Variants in TRIO observed in about 807,000 individuals in gnomAD.
TRIO encodes trio Rho guanine nucleotide exchange factor.
A neutral mutation model predicts 351.9 loss-of-function variants in TRIO; 58 were observed. The observed-to-expected ratio is 0.16, with a 90% confidence interval of 0.13 to 0.21. The LOEUF is 0.21. Ranked by LOEUF, TRIO falls within the 10% of genes least tolerant of loss-of-function variation. The pLI is 1.00. For synonymous variants in TRIO, 1,758 were observed against 1,595.7 expected, an observed-to-expected ratio of 1.10 and a Z score of -2.42; for missense variants, 3,201 against 4,027.8, an observed-to-expected ratio of 0.79 and a Z score of 5.56.
chr5:14,474,819 C>G (rs752496066), intron 40 of TRIO, among the ~76,000 whole-genome samples: 3 of 152,062 alleles, frequency 2.0e-5, no homozygotes, highest in Non-Finnish European at 4.4e-5. Context: ...CCTACAGGCA[C>G]GCAGCACCAT....
At chr5:14,215,334 G>T (rs766930476) in intron 1 of TRIO, among the ~76,000 whole-genome samples, 5 of 152,156 alleles carry the variant, frequency 3.3e-5, no homozygotes, top group African/African-American at 7.2e-5. Flanking sequence ...TGTTATTCGT[G>T]TCTGCCAATG....
In TRIO at chr5:14,149,118, C is replaced by G. The variant is rs964400830; in HGVS notation, c.157+5236C>G. Among the ~76,000 whole-genome samples, 6 of 152,294 alleles carry G rather than the reference C, an allele frequency of 3.9e-5. No homozygotes were observed. In the South Asian group the frequency reaches 1.2e-3, roughly 32 times the overall value. ...GGGGAAGGGAGCATAGAGGAGTGGTCAGAGGCTTGCGGGGCCCTGCATGTG... is the reference window on the plus strand; with the variant it reads ...GGGGAAGGGAGCATAGAGGAGTGGTGAGAGGCTTGCGGGGCCCTGCATGTG... On this transcript the variant is annotated intron_variant, in intron 1 of 56. Transcript: ENST00000344204.
chr5:14,453,988 G>A (rs1376577815), intron 34 of TRIO, among the ~76,000 whole-genome samples: 1 of 151,890 alleles, frequency 6.6e-6, no homozygotes, highest in Non-Finnish European at 1.5e-5. Flanking sequence ...GGAGTGCGGT[G>A]GCACAATTCT....
At chr5:14,427,990 C>T (rs1044464362) in intron 34 of TRIO, among the ~76,000 whole-genome samples, 12 of 152,162 alleles carry the variant, frequency 7.9e-5, no homozygotes, top group African/African-American at 1.9e-4. Context: ...TGACCAAACC[C>T]GGAGCTTGCC....
At chr5:14,318,035 G>A (rs1347480953) in intron 9 of TRIO, among the ~76,000 whole-genome samples, 1 of 152,120 alleles carries the variant, frequency 6.6e-6, no homozygotes, top group Non-Finnish European at 1.5e-5. Flanking sequence ...GCTGAGGCAG[G>A]AGAATTGCTT....
chr5:14,308,867 A>G (rs894609809), intron 8 of TRIO, among the ~76,000 whole-genome samples: 2 of 149,860 alleles, frequency 1.3e-5, no homozygotes, highest in Non-Finnish European at 3.0e-5. Flanking sequence ...GTATCACTAA[A>G]TTGCCCATCC....
rs964969993 is a variant in TRIO at position 14,461,319 on chromosome 5, T to G, written c.5496+8T>G. 3 of 1,547,770 alleles carry G rather than the reference T, an allele frequency of 1.9e-6. No homozygotes were observed. The African/African-American group carries it at 4.1e-5, about 21-fold the overall frequency. ...GACGAGACGGTCGAGGAGGTGAGGC[T>G]CTGCCCGCTGGTTGGGGCCGGCGTG... On this transcript the variant is annotated splice_region_variant and intron_variant, in intron 35 of 56. Transcript: ENST00000344204.
intron 19 of TRIO, among the ~76,000 whole-genome samples, chr5:14,377,751 C>T (rs570978008): frequency 3.3e-5 from 5 of 152,162 alleles, no homozygotes; most frequent in Admixed American, 2.6e-4. Context: ...ACATATCCCA[C>T]GAATCCATCC....
chr5:14,193,671 A>C (rs987271362), intron 1 of TRIO, among the ~76,000 whole-genome samples: 4 of 152,220 alleles, frequency 2.6e-5, no homozygotes, highest in African/African-American at 4.8e-5. Context: ...CAAACAGTTC[A>C]TGTCCATTTT....
At chr5:14,460,280 CAT>C (rs1412900061) in intron 34 of TRIO, among the ~76,000 whole-genome samples, 1 of 152,182 alleles carries the variant, frequency 6.6e-6, no homozygotes, top group Non-Finnish European at 1.5e-5. Flanking sequence ...TACTTCAGCA[CAT>C]GTGGTAAGTT....
chr5:14,362,891 C>T (rs1202266231), intron 13 of TRIO, among the ~76,000 whole-genome samples: 1 of 152,004 alleles, frequency 6.6e-6, no homozygotes, highest in African/African-American at 2.4e-5. Context: ...ATTATTCTTT[C>T]TGCATTTAAT....
chr5:14,326,368 G>A (rs187723695), intron 9 of TRIO, among the ~76,000 whole-genome samples: 2 of 151,070 alleles, frequency 1.3e-5, no homozygotes, highest in Non-Finnish European at 2.9e-5. Flanking sequence ...ACAGCTTTCT[G>A]CCTTCTGACA....
At position 14,510,006 on chromosome 5, in the gene TRIO, G is replaced by C. The variant is rs1325952054; in HGVS notation, c.*1584G>C. On this transcript the variant is annotated 3_prime_UTR_variant, in exon 57 of 57. Transcript: ENST00000344204. ...TACAGAAACTTTTTAAAAGAAATTG[G>C]ATTCGAAACTGGATGTGTATTCGTA... 1.3e-5 allele frequency: 2 copies of C among 152,192 alleles called. No individual in the cohort carries two copies. The highest frequency in any genetic ancestry group is 2.9e-5 in the Non-Finnish European group (2 of 68,078). 9.4% of individuals were successfully genotyped at this position (152,192 alleles called of 1,614,324 possible).
chr5:14,507,922 A>G lies in TRIO; in HGVS notation c.8794A>G (p.Ile2932Val). ...GGATGAGAGTTTAGCCAAGCCAACC[A>G]TCAAACTGGCTGACTTTGGAGATGC... is the stretch of plus-strand genomic sequence containing the variant. ...LVDESLAKPT[I>V]KLADFGDAVQ... The change falls in exon 57 of 57, where the codon ATC becomes GTC. Residue 2932 changes from isoleucine (I) to valine (V), a missense_variant. Around this residue, in one of 19 missense-constraint regions of TRIO, gnomAD observed 233 missense variants for 292.6 expected, o/e 0.80. Coordinates refer to ENST00000344204, the MANE Select transcript of TRIO (RefSeq NM_007118.4). 1 of 1,614,158 alleles carries G rather than the reference A, an allele frequency of 6.2e-7. No individual in the cohort carries two copies. The highest frequency in any genetic ancestry group is 8.5e-7 in the Non-Finnish European group (1 of 1,180,028).
intron 1 of TRIO, among the ~76,000 whole-genome samples, chr5:14,248,098 G>T (rs1697170): frequency 0.057 from 8,670 of 151,182 alleles, 284 homozygotes; most frequent in African/African-American, 0.08. Context: ...ATAGACCACT[G>T]CCCCTTCTTT....
Position 14,419,838 on chromosome 5 carries a change from G to A in TRIO, c.5020G>A (p.Glu1674Lys), listed in dbSNP as rs756952464. 2.5e-6 allele frequency: 4 copies of A among 1,614,180 alleles called. No homozygotes were observed. The highest frequency in any genetic ancestry group is 3.4e-6 in the Non-Finnish European group (4 of 1,180,020). ...TGACTTCACCGCTTGCAACAGCAAC[G>A]AGCTGACCATCCGACGGGGCCAGAC... ...IHDFTACNSNELTIRRGQTVE... is the reference protein window; with the variant it reads ...IHDFTACNSNKLTIRRGQTVE... The change falls in exon 34 of 57, where the codon GAG (glutamate) becomes AAG (lysine). Residue 1674 changes from glutamate (E) to lysine (K), a missense_variant. Physicochemically the swap from Glu to Lys is moderately conservative, Grantham distance 56. Transcript: ENST00000344204.
At chr5:14,488,492 A>C in intron 48 of TRIO, 2 of 583,202 alleles carry the variant, frequency 3.4e-6, no homozygotes, top group Non-Finnish European at 5.8e-6. Flanking sequence ...TAACCTTCTC[A>C]ACGCAGCGTC....
intron 19 of TRIO, among the ~76,000 whole-genome samples, chr5:14,375,814 C>T (rs1398671197): frequency 6.6e-6 from 1 of 152,176 alleles, no homozygotes; most frequent in Non-Finnish European, 1.5e-5. Context: ...ATCTCATATT[C>T]ATTTTCATGT....
chr5:14,345,901 T>C (rs1742371612), intron 11 of TRIO, among the ~76,000 whole-genome samples: 1 of 152,262 alleles, frequency 6.6e-6, no homozygotes, highest in South Asian at 2.1e-4. Flanking sequence ...TCTTATTTTG[T>C]TACTCAGCTT....
Sources: allele counts gnomAD v4.1 joint callset (sites outside exome capture counted in the v4.1 genomes callset), GRCh38; gene constraint gnomAD v4.1.1; regional missense constraint gnomAD v4.1.1; transcripts MANE v1.5; gene names NCBI Gene and HGNC (gene_info 2026-07-23, HGNC 2026-07-21).